The following FIGN variants were observed in gnomAD, a reference collection of about 807,000 sequenced individuals.
FIGN encodes the protein fidgetin.
A neutral mutation model predicts 51.3 loss-of-function variants in FIGN; 11 were observed. The ratio of observed to expected loss-of-function variants is 0.21; its 90% confidence interval spans 0.13 to 0.35. FIGN has a LOEUF of 0.35. Among genes scored for constraint, FIGN ranks in the 10% least tolerant of loss-of-function variants. FIGN has a pLI of 1.00. For synonymous variants in FIGN, 407 were observed against 363.2 expected (o/e 1.12, Z -1.37); for missense variants, 857 against 943.6 (o/e 0.91, Z 1.20).
intron 2 of FIGN, among the ~76,000 whole-genome samples, chr2:163,658,518 T>C (rs941172450): frequency 2.0e-5 from 3 of 152,230 alleles, no homozygotes; most frequent in East Asian, 1.9e-4. Flanking sequence ...ACAAGAAGCA[T>C]GGCACCAGCA....
Position 163,718,840 on chromosome 2 carries a change from TGAGA to T in FIGN, c.25+16059_25+16062del, listed in dbSNP as rs781504649. On this transcript the variant is annotated intron_variant, in intron 2 of 2. Transcript: ENST00000333129. ...TTATATATATATAAGACAGAGAGAG[TGAGA>T]GAGAGAGAGAGAGAGAGACATATTA... 1.6e-3 allele frequency among the ~76,000 whole-genome samples: 241 copies of T among 150,726 alleles called. 1 individual carries two copies. Among genetic ancestry groups the T allele is most frequent in the African/African-American group, 5.5e-3 (225 of 41,050 alleles).
intron 2 of FIGN, among the ~76,000 whole-genome samples, chr2:163,647,926 C>T (rs1683408063): frequency 6.6e-6 from 1 of 152,004 alleles, no homozygotes; most frequent in African/African-American, 2.4e-5. Context: ...GCCTCAGAGA[C>T]AGAGGATAGG....
At chr2:163,670,699 C>A (rs539326996) in intron 2 of FIGN, among the ~76,000 whole-genome samples, 7 of 152,332 alleles carry the variant, frequency 4.6e-5, no homozygotes, top group Admixed American at 1.3e-4. Context: ...CTTGTCACCT[C>A]ACCAACTTAT....
chr2:163,610,226 C>T lies in FIGN; in HGVS notation c.1606G>A (p.Gly536Ser). The T allele has an allele frequency of 6.2e-7, 1 of 1,614,094 alleles. No individual in the cohort carries two copies. The highest frequency in any genetic ancestry group is 1.3e-5 in the African/African-American group (1 of 75,012). The change falls in exon 3 of 3, where the codon GGC becomes AGC. Residue 536 changes from glycine (G) to serine (S), a missense_variant. Coordinates refer to ENST00000333129, the MANE Select transcript of FIGN (RefSeq NM_018086.4). ...GPRGTGKTLL[G>S]RCIASQLGAT... Reference sequence around the variant, plus strand: ...CCCAGCTGACTAGCGATGCATCTGCCCAATAATGTTTTGCCTGTCCCCCGA... The same window carrying T: ...CCCAGCTGACTAGCGATGCATCTGCTCAATAATGTTTTGCCTGTCCCCCGA...
rs114751472 is a variant in FIGN at position 163,690,377 on chromosome 2, A to C, written c.25+44526T>G. 7.9e-3 allele frequency among the ~76,000 whole-genome samples: 1,209 copies of C among 152,288 alleles called. 7 individuals are homozygous for C. The highest frequency in any genetic ancestry group is 0.024 in the South Asian group (118 of 4,824). On this transcript the variant is annotated intron_variant, in intron 2 of 2. Coordinates refer to ENST00000333129, the MANE Select transcript of FIGN (RefSeq NM_018086.4). Reference sequence around the variant, plus strand: ...GGTATACATTTATACATTTATGGGGAAATAACACAATGGACTAGCAATCTC... The same window carrying C: ...GGTATACATTTATACATTTATGGGGCAATAACACAATGGACTAGCAATCTC...
In FIGN at chr2:163,609,447, C is replaced by A; in HGVS notation, c.*105G>T. 1.1e-6 allele frequency: 1 copy of A among 949,830 alleles called. No homozygotes were observed. The highest frequency in any genetic ancestry group is 1.6e-6 in the Non-Finnish European group (1 of 644,636). The allele number at this position is 949,830 out of a possible 1,614,324, so 58.8% of individuals were successfully genotyped here. ...AACTTAATCGTCATCTTCCCCAGTACCCTTTGCAATTTAAACTCTACTGGA... is the reference window on the plus strand; with the variant it reads ...AACTTAATCGTCATCTTCCCCAGTAACCTTTGCAATTTAAACTCTACTGGA... On this transcript the variant is annotated 3_prime_UTR_variant, in exon 3 of 3. Coordinates refer to ENST00000333129, the MANE Select transcript of FIGN (RefSeq NM_018086.4).
intron 2 of FIGN, among the ~76,000 whole-genome samples, chr2:163,663,347 T>G (rs887431637): frequency 6.6e-6 from 1 of 151,964 alleles, no homozygotes; most frequent in African/African-American, 2.4e-5. Context: ...GTTTGTTTGT[T>G]TTTTGAGACG....
At chr2:163,628,891 G>A (rs1467981396) in intron 2 of FIGN, among the ~76,000 whole-genome samples, 2 of 152,118 alleles carry the variant, frequency 1.3e-5, no homozygotes, top group Non-Finnish European at 2.9e-5. Context: ...CTGAATCTAA[G>A]GAACTTTCTT....
rs1691156500 is a variant in FIGN, at chr2:163,608,361, C to T, written c.*1191G>A. The T allele has an allele frequency of 6.6e-6, 1 of 152,474 alleles. No individual in the cohort carries two copies. Among genetic ancestry groups the T allele is most frequent in the Non-Finnish European group, 1.5e-5 (1 of 68,196 alleles). The allele number at this position is 152,474 out of a possible 1,614,324, so 9.4% of individuals were successfully genotyped here. On this transcript the variant is annotated 3_prime_UTR_variant, in exon 3 of 3. Transcript: ENST00000333129. ...CTCTGCATTCTATCAAACAGCACGG[C>T]AAGTCTATAAGCTAGATTAGTGAAT... is the stretch of plus-strand genomic sequence containing the variant.
At chr2:163,642,848 T>C (rs1236601943) in intron 2 of FIGN, among the ~76,000 whole-genome samples, 1 of 152,116 alleles carries the variant, frequency 6.6e-6, no homozygotes, top group Non-Finnish European at 1.5e-5. Context: ...AAAAAACATA[T>C]ACTCTGAAAA....
chr2:163,614,121 A>G (rs1682825046), intron 2 of FIGN, among the ~76,000 whole-genome samples: 1 of 152,176 alleles, frequency 6.6e-6, no homozygotes, highest in South Asian at 2.1e-4. Flanking sequence ...CATTTCACTC[A>G]GAGAAACTCT....
At chr2:163,683,852 T>G (rs1253500863) in intron 2 of FIGN, among the ~76,000 whole-genome samples, 7 of 152,214 alleles carry the variant, frequency 4.6e-5, no homozygotes. Flanking sequence ...TATCTTCTGA[T>G]GCTTTTATGG....
At chr2:163,622,947 T>G (rs950043369) in intron 2 of FIGN, among the ~76,000 whole-genome samples, 1 of 152,068 alleles carries the variant, frequency 6.6e-6, no homozygotes, top group Non-Finnish European at 1.5e-5. Context: ...ATTAAAAGAG[T>G]AAGTCAAATT....
At chr2:163,647,115 G>A (rs1445413977) in intron 2 of FIGN, among the ~76,000 whole-genome samples, 1 of 152,164 alleles carries the variant, frequency 6.6e-6, no homozygotes, top group Non-Finnish European at 1.5e-5. Flanking sequence ...TGGAACAAAG[G>A]CTCTCTCTGT....
At chr2:163,722,355 C>G (rs987994124) in intron 2 of FIGN, among the ~76,000 whole-genome samples, 2 of 152,060 alleles carry the variant, frequency 1.3e-5, no homozygotes, top group African/African-American at 4.8e-5. Flanking sequence ...TTGCAAACTG[C>G]CTATTTATCA....
chr2:163,626,161 T>G (rs927597100), intron 2 of FIGN, among the ~76,000 whole-genome samples: 2 of 152,206 alleles, frequency 1.3e-5, no homozygotes. Flanking sequence ...TTTTTTGGAA[T>G]GCACTTCTTT....
At chr2:163,615,754 C>T (rs1052761437) in intron 2 of FIGN, among the ~76,000 whole-genome samples, 1 of 152,104 alleles carries the variant, frequency 6.6e-6, no homozygotes, top group African/African-American at 2.4e-5. Context: ...AGAACAATAA[C>T]TCCTACTGTT....
At chr2:163,619,112 A>G (rs1682927772) in intron 2 of FIGN, among the ~76,000 whole-genome samples, 1 of 152,068 alleles carries the variant, frequency 6.6e-6, no homozygotes, top group African/African-American at 2.4e-5. Context: ...TTTGTCAGAT[A>G]TTATTTTTTG....
intron 2 of FIGN, among the ~76,000 whole-genome samples, chr2:163,652,815 A>G (rs555695791): frequency 6.6e-6 from 1 of 152,312 alleles, no homozygotes; most frequent in East Asian, 1.9e-4. Flanking sequence ...GAAAAACCCA[A>G]AAACCCTCAT....
Sources: allele counts gnomAD v4.1 joint callset (sites outside exome capture counted in the v4.1 genomes callset), GRCh38; gene constraint gnomAD v4.1.1; transcripts MANE v1.5; gene names NCBI Gene and HGNC (gene_info 2026-07-23, HGNC 2026-07-21).